Variants in PKHD1 observed in about 807,000 individuals in gnomAD.
The protein encoded by PKHD1 is PKHD1 ciliary IPT domain containing fibrocystin/polyductin, also known as fibrocystin.
PKHD1 carries 291 observed loss-of-function variants against 412.0 expected under a neutral mutation model. That is an observed-to-expected ratio of 0.71 (90% CI 0.64 to 0.78). The LOEUF (loss-of-function observed/expected upper bound fraction) is 0.78. Ranked by LOEUF, PKHD1 falls within the 30% of genes least tolerant of loss-of-function variation. The pLI is 0.00. For missense variants in PKHD1, 4,825 were observed against 4,950.7 expected (o/e 0.97, Z 0.76); for synonymous variants, 1,777 against 1,821.5 (o/e 0.98, Z 0.62).
intron 60 of PKHD1, chr6:51,721,574 T>G: frequency 1.0e-6 from 1 of 1,003,456 alleles, no homozygotes; most frequent in Non-Finnish European, 1.2e-6. Flanking sequence ...CAATTTAATA[T>G]CTGAATTGCT....
chr6:51,757,077 C>G (rs1787145595), intron 55 of PKHD1, among the ~76,000 whole-genome samples: 1 of 152,144 alleles, frequency 6.6e-6, no homozygotes, highest in African/African-American at 2.4e-5. Flanking sequence ...TGCTCCCTTG[C>G]CCACCACTCA....
chr6:51,752,970 T>C (rs544339360), intron 57 of PKHD1, among the ~76,000 whole-genome samples: 2 of 152,334 alleles, frequency 1.3e-5, no homozygotes, highest in East Asian at 1.9e-4. Flanking sequence ...GAAGATGTTT[T>C]CTTTGAGGTA....
At chr6:52,078,640 C>T (rs763913556) in intron 5 of PKHD1, among the ~76,000 whole-genome samples, 28 of 152,206 alleles carry the variant, frequency 1.8e-4, no homozygotes, top group African/African-American at 6.3e-4. Flanking sequence ...GAACCACTGA[C>T]GGACTTGTTT....
At chr6:51,627,167 C>T (rs754609590) in intron 65 of PKHD1, 51 bp from the exon 66 acceptor site, 8 of 1,511,128 alleles carry the variant, frequency 5.3e-6, no homozygotes, top group Admixed American at 3.5e-5. Flanking sequence ...GTAAGTGGGA[C>T]CATCAGCATT....
intron 49 of PKHD1, among the ~76,000 whole-genome samples, chr6:51,850,809 G>A (rs188356126): frequency 9.2e-5 from 14 of 152,156 alleles, no homozygotes; most frequent in Non-Finnish European, 2.1e-4. Context: ...GAGATGATGG[G>A]GTTTTCTAAG....
chr6:52,081,423 CA>C lies in PKHD1; in HGVS notation c.281+968del, dbSNP rs563821873. ...TGAGGACTACAATGGTGAAATTAAA[CA>C]CATCCCCTGCCCTCAAAGCACTTAA... On this transcript the variant is annotated intron_variant, in intron 4 of 66. Transcript: ENST00000371117. 1.6e-3 allele frequency among the ~76,000 whole-genome samples: 246 copies of C among 152,308 alleles called. 2 individuals are homozygous for C. Among genetic ancestry groups the C allele is most frequent in the African/African-American group, 5.4e-3 (225 of 41,562 alleles).
chr6:52,072,443 CTGGCTA>C (rs1485689374), intron 7 of PKHD1, among the ~76,000 whole-genome samples: 6 of 152,284 alleles, frequency 3.9e-5, no homozygotes, highest in Non-Finnish European at 8.8e-5. Flanking sequence ...CATCTCCACA[CTGGCTA>C]TATTGATTCT....
chr6:52,068,134 T>G (rs1810032716), intron 11 of PKHD1, among the ~76,000 whole-genome samples: 1 of 152,164 alleles, frequency 6.6e-6, no homozygotes, highest in African/African-American at 2.4e-5. Context: ...TTAGACGACT[T>G]TTGGAATAAG....
intron 46 of PKHD1, among the ~76,000 whole-genome samples, chr6:51,878,403 A>G (rs1410927240): frequency 9.0e-5 from 3 of 33,288 alleles, no homozygotes; most frequent in Non-Finnish European, 1.5e-4. Flanking sequence ...AGCACATCAA[A>G]AAGCTTATCC....
intron 48 of PKHD1, among the ~76,000 whole-genome samples, chr6:51,866,109 T>C (rs372366929): frequency 6.6e-6 from 1 of 152,152 alleles, no homozygotes; most frequent in African/African-American, 2.4e-5. Flanking sequence ...GATCATCTAA[T>C]TCAGTTGCCT....
intron 5 of PKHD1, among the ~76,000 whole-genome samples, chr6:52,077,138 G>A (rs10484883): frequency 0.28 from 42,291 of 151,958 alleles, 6,073 homozygotes; most frequent in East Asian, 0.43. Flanking sequence ...GTATGCAGAC[G>A]ACATTCGAAT....
At chr6:51,996,792 G>C (rs1362955740) in intron 35 of PKHD1, among the ~76,000 whole-genome samples, 1 of 152,248 alleles carries the variant, frequency 6.6e-6, no homozygotes, top group Non-Finnish European at 1.5e-5. Context: ...AGTGGCCTTA[G>C]TGTAGCTATA....
chr6:51,989,442 GA>G (rs1420719846), intron 35 of PKHD1, among the ~76,000 whole-genome samples: 1 of 152,168 alleles, frequency 6.6e-6, no homozygotes, highest in African/African-American at 2.4e-5. Context: ...AGGTACATGT[GA>G]AAACAACTAT....
intron 18 of PKHD1, among the ~76,000 whole-genome samples, chr6:52,056,348 T>A (rs1807722536): frequency 6.6e-6 from 1 of 152,226 alleles, no homozygotes; most frequent in African/African-American, 2.4e-5. Flanking sequence ...TAAGTAGTAA[T>A]TCCTTTAGAT....
chr6:51,777,085 G>A (rs746257037), intron 53 of PKHD1, among the ~76,000 whole-genome samples: 5 of 152,010 alleles, frequency 3.3e-5, no homozygotes, highest in Non-Finnish European at 5.9e-5. Flanking sequence ...AAAAACCACC[G>A]GCTATCAAAT....
chr6:51,829,140 T>C (rs1374602668), intron 52 of PKHD1, among the ~76,000 whole-genome samples: 1 of 152,122 alleles, frequency 6.6e-6, no homozygotes, highest in Non-Finnish European at 1.5e-5. Flanking sequence ...CCTTTCTACA[T>C]CCAATGCCTG....
At chr6:51,730,027 T>C (rs184013937) in intron 60 of PKHD1, among the ~76,000 whole-genome samples, 223 of 152,304 alleles carry the variant, frequency 1.5e-3, no homozygotes, top group Non-Finnish European at 2.7e-3. Flanking sequence ...GTATGTTTAT[T>C]GATATTTGTT....
chr6:52,078,724 G>A (rs1811648087), intron 5 of PKHD1, among the ~76,000 whole-genome samples: 2 of 152,090 alleles, frequency 1.3e-5, no homozygotes, highest in Non-Finnish European at 2.9e-5. Context: ...TTAATAAGCA[G>A]GAAAACTACC....
rs774349380 is a variant in PKHD1 at position 51,744,389 on chromosome 6, G to A, written c.10152C>T (p.Asn3384=). The change falls in exon 60 of 67, where the codon AAC becomes AAT. Residue 3384 remains asparagine (N), a synonymous_variant. Coordinates refer to ENST00000371117, the MANE Select transcript of PKHD1 (RefSeq NM_138694.4). ...TEAEWTASFF[N]AGTFREEQKC... ...TTGCATTCAGATATAGCTTACCTGC[G>A]TTGAAGAAGGATGCAGTCCATTCTG... 1.3e-5 allele frequency: 21 copies of A among 1,613,574 alleles called. No individual in the cohort carries two copies. The highest frequency in any genetic ancestry group is 6.7e-5 in the East Asian group (3 of 44,884).
Sources: allele counts gnomAD v4.1 joint callset (sites outside exome capture counted in the v4.1 genomes callset), GRCh38; gene constraint gnomAD v4.1.1; transcripts MANE v1.5; gene names NCBI Gene and HGNC (gene_info 2026-07-23, HGNC 2026-07-21).